The following TEKT5 variants were observed in gnomAD, a reference collection of about 807,000 sequenced individuals.
TEKT5 encodes tektin-5.
In TEKT5, 52 loss-of-function variants were observed where a neutral mutation model predicts 48.7. The ratio of observed to expected loss-of-function variants is 1.07; its 90% CI spans 0.86 to 1.35. The LOEUF is 1.35. Ranked by LOEUF, TEKT5 falls within the 40% of genes most tolerant of loss-of-function variation. The pLI is 0.00. For synonymous variants in TEKT5, 318 were observed against 267.6 expected (o/e 1.19, Z -1.84); for missense variants, 831 against 641.6 (o/e 1.30, Z -3.19).
chr16:10,675,802 G>T (rs573013127), intron 5 of TEKT5, among the ~76,000 whole-genome samples, 157 bp downstream of exon 5: 9 of 152,154 alleles, frequency 5.9e-5, no homozygotes, highest in Non-Finnish European at 1.0e-4. Context: ...CTCAGCCCTT[G>T]GCCCCTTTTA....
At chr16:10,647,196 G>A (rs1300828223) in intron 5 of TEKT5, among the ~76,000 whole-genome samples, 6 of 152,036 alleles carry the variant, frequency 3.9e-5, no homozygotes, top group Admixed American at 1.3e-4. Context: ...TGGGCTGGGC[G>A]CGGTGGCTGA....
chr16:10,638,121 T>C (rs932806625), intron 5 of TEKT5, among the ~76,000 whole-genome samples: 4 of 152,304 alleles, frequency 2.6e-5, no homozygotes, highest in Admixed American at 6.5e-5. Flanking sequence ...GGGAGTCTTT[T>C]ATATGATTCT....
At chr16:10,692,175 C>A (rs1218774204) in intron 1 of TEKT5, among the ~76,000 whole-genome samples, 1 of 152,058 alleles carries the variant, frequency 6.6e-6, no homozygotes, top group Non-Finnish European at 1.5e-5. Flanking sequence ...TGTGACCAGG[C>A]AAAGCTGGAC....
chr16:10,672,849 T>G (rs1898571701), intron 5 of TEKT5, among the ~76,000 whole-genome samples: 2 of 141,130 alleles, frequency 1.4e-5, no homozygotes, highest in South Asian at 2.1e-4. Context: ...TTTGTTTTTG[T>G]TTTTTTTTGT....
chr16:10,648,828 G>A (rs1372440304), intron 5 of TEKT5, among the ~76,000 whole-genome samples: 2 of 152,262 alleles, frequency 1.3e-5, no homozygotes, highest in Non-Finnish European at 2.9e-5. Flanking sequence ...CACAGGCTCA[G>A]ACTGCATTTG....
chr16:10,692,670 T>C (rs543176024), intron 1 of TEKT5: 1 of 152,346 alleles, frequency 6.6e-6, no homozygotes, highest in East Asian at 1.9e-4. Context: ...ACGACGGACC[T>C]TCTAGAAAAG....
intron 5 of TEKT5, among the ~76,000 whole-genome samples, chr16:10,662,048 C>A (rs1434228644): frequency 6.6e-6 from 1 of 152,116 alleles, no homozygotes; most frequent in Non-Finnish European, 1.5e-5. Flanking sequence ...TTAAATTAAA[C>A]CTTAATGCTA....
At chr16:10,654,922 T>A (rs1181714603) in intron 5 of TEKT5, among the ~76,000 whole-genome samples, 1 of 87,174 alleles carries the variant, frequency 1.1e-5, no homozygotes, top group East Asian at 3.1e-4. Context: ...GACTGTCCTG[T>A]CTCCCCCCCC....
intron 5 of TEKT5, among the ~76,000 whole-genome samples, chr16:10,654,385 G>C (rs901050665): frequency 6.6e-6 from 1 of 152,130 alleles, no homozygotes; most frequent in Non-Finnish European, 1.5e-5. Context: ...TGACTGGCTT[G>C]ACTGGGTTAA....
At chr16:10,668,821 T>C (rs1898502342) in intron 5 of TEKT5, among the ~76,000 whole-genome samples, 1 of 152,144 alleles carries the variant, frequency 6.6e-6, no homozygotes, top group Non-Finnish European at 1.5e-5. Context: ...CTCTGATATA[T>C]AAAGCAGAGT....
chr16:10,665,201 G>A (rs2719678), intron 5 of TEKT5, among the ~76,000 whole-genome samples: 1 of 152,246 alleles, frequency 6.6e-6, no homozygotes, highest in Non-Finnish European at 1.5e-5. Context: ...CAAAGGTGGA[G>A]GAGTCATCAC....
At chr16:10,652,334 A>G (rs1183074181) in intron 5 of TEKT5, among the ~76,000 whole-genome samples, 1 of 151,948 alleles carries the variant, frequency 6.6e-6, no homozygotes, top group Non-Finnish European at 1.5e-5. Context: ...ATGCCAAAGG[A>G]AAGTCCTGCC....
intron 3 of TEKT5, among the ~76,000 whole-genome samples, chr16:10,684,987 G>C (rs1331532130): frequency 1.3e-5 from 2 of 152,320 alleles, no homozygotes; most frequent in Middle Eastern, 3.4e-3. Context: ...AAGGGGGTGA[G>C]GACACACCAG....
At chr16:10,640,307 T>G (rs1046303380) in intron 5 of TEKT5, among the ~76,000 whole-genome samples, 27 of 152,110 alleles carry the variant, frequency 1.8e-4, no homozygotes, top group Non-Finnish European at 3.5e-4. Context: ...CACACTCAGC[T>G]AACTTTCTGT....
intron 3 of TEKT5, among the ~76,000 whole-genome samples, chr16:10,687,830 A>T (rs1898891227): frequency 6.6e-6 from 1 of 152,214 alleles, no homozygotes; most frequent in Non-Finnish European, 1.5e-5. Context: ...ATTTTATTTT[A>T]TTTTTTAAGC....
chr16:10,691,753 A>C (rs2541491), intron 1 of TEKT5, among the ~76,000 whole-genome samples: 90,641 of 151,832 alleles, frequency 0.6, 27,703 homozygotes, highest in East Asian at 0.79. Flanking sequence ...TCAAGACCAT[A>C]CTGGCTAACA....
Position 10,694,759 on chromosome 16 carries a change from A to G in TEKT5, c.115T>C (p.Tyr39His), listed in dbSNP as rs1402398854. 3.1e-6 allele frequency: 5 copies of G among 1,614,006 alleles called. No homozygotes were observed. Among genetic ancestry groups the G allele is most frequent in the Admixed American group, 3.3e-5 (2 of 59,998 alleles). Residue 39 changes from tyrosine (Y) to histidine (H), a missense_variant, in exon 1 of 7, where the codon TAC (tyrosine) becomes CAC (histidine). Transcript: ENST00000283025. ...AGGTAGCGGTACCCGGGCAGGTAGT[A>G]GGGCTGATAGCATTCCTGGATCACT... Reference protein sequence around the residue: ...APVIQECYQPYYLPGYRYLNS... With the variant: ...APVIQECYQPHYLPGYRYLNS...
chr16:10,676,260 C>T, intron 4 of TEKT5, 79 bp from the exon 5 acceptor site: 1 of 1,397,150 alleles, frequency 7.2e-7, no homozygotes, highest in Non-Finnish European at 1.0e-6. Flanking sequence ...GCAGTCTTGG[C>T]CTCTGGGTCG....
rs1349030530 is a variant in TEKT5, at chr16:10,627,518, T to C, written c.*65A>G. On this transcript the variant is annotated 3_prime_UTR_variant, in exon 7 of 7. Coordinates refer to ENST00000283025, the MANE Select transcript of TEKT5 (RefSeq NM_144674.2). ...GTCGGCCCTTTCAAACAAAATACTG[T>C]TTTACTTTGTTTCTCAGCCTTTTCC... 1.3e-6 allele frequency: 2 copies of C among 1,542,568 alleles called. No individual in the cohort carries two copies. The highest frequency in any genetic ancestry group is 1.8e-6 in the Non-Finnish European group (2 of 1,119,464).
Sources: gnomAD v4.1 joint callset for allele counts (sites outside exome capture counted in the v4.1 genomes callset) on GRCh38, gnomAD v4.1.1 for gene constraint, MANE v1.5 for transcripts, NCBI Gene and HGNC (gene_info 2026-07-23, HGNC 2026-07-21) for gene names.